TGFBR1: variants seen among roughly 807,000 people sequenced by gnomAD.
The protein encoded by TGFBR1 is transforming growth factor beta receptor 1.
TGFBR1 carries 20 observed loss-of-function variants against 55.1 expected under a neutral mutation model. The ratio of observed to expected loss-of-function variants is 0.36; its 90% confidence interval spans 0.26 to 0.53. The LOEUF is 0.53. Among genes scored for constraint, TGFBR1 ranks in the 20% least tolerant of loss-of-function variants. The pLI is 0.91. For synonymous variants in TGFBR1, 220 were observed against 214.8 expected (o/e 1.02, Z -0.21); for missense variants, 385 against 617.6 (o/e 0.62, Z 3.99).
At chr9:99,128,810 C>G in intron 1 of TGFBR1, 45 bp from the exon 2 acceptor site, 1 of 1,609,242 alleles carries the variant, frequency 6.2e-7, no homozygotes, top group East Asian at 2.2e-5. Context: ...TAATTTCAAA[C>G]TGTTAACCTT....
intron 3 of TGFBR1, among the ~76,000 whole-genome samples, chr9:99,137,511 C>T (rs1410255834): frequency 6.6e-6 from 1 of 152,110 alleles, no homozygotes; most frequent in Non-Finnish European, 1.5e-5. Flanking sequence ...TCTCTGATTG[C>T]CCAAGCTGCT....
In TGFBR1 at chr9:99,151,996, T is replaced by TG; in HGVS notation, c.*2696dup. Reference sequence around the variant, plus strand: ...TGTCAGTAGCCAGGAGAAATGGGGATGGGGGAAATACGACTTAGTGAGGCA... The same window carrying TG: ...TGTCAGTAGCCAGGAGAAATGGGGATGGGGGGAAATACGACTTAGTGAGGCA... On this transcript the variant is annotated 3_prime_UTR_variant, in exon 9 of 9. Transcript: ENST00000374994. The TG allele has an allele frequency of 1.0e-5, 2 of 197,150 alleles. No homozygotes were observed. The highest frequency in any genetic ancestry group is 2.1e-5 in the Non-Finnish European group (2 of 95,054). The allele number at this position is 197,150 out of a possible 1,614,324, so 12.2% of individuals were successfully genotyped here. A position where few individuals can be genotyped will look rare whatever the true frequency, so the allele number is the denominator to read the frequency against.
intron 1 of TGFBR1, among the ~76,000 whole-genome samples, chr9:99,120,157 A>G (rs73653739): frequency 2.5e-4 from 38 of 152,330 alleles, no homozygotes; most frequent in African/African-American, 8.7e-4. Flanking sequence ...TTAGGTTCAA[A>G]TAAGTTAAGT....
At chr9:99,145,128 C>T (rs2118810616) in intron 6 of TGFBR1, among the ~76,000 whole-genome samples, 1 of 152,288 alleles carries the variant, frequency 6.6e-6, no homozygotes, top group South Asian at 2.1e-4. Flanking sequence ...ATTATAATAA[C>T]AGTAGTAACT....
At chr9:99,120,794 C>T (rs1442676527) in intron 1 of TGFBR1, among the ~76,000 whole-genome samples, 1 of 152,158 alleles carries the variant, frequency 6.6e-6, no homozygotes, top group East Asian at 1.9e-4. Context: ...AAGGCTCTGA[C>T]TCTTCTAAAA....
chr9:99,128,671 TG>T, intron 1 of TGFBR1, 183 bp from the exon 2 acceptor site: 1 of 804,942 alleles, frequency 1.2e-6, no homozygotes, highest in Non-Finnish European at 2.1e-6. Flanking sequence ...CACGTGTATG[TG>T]GTTCTTAATA....
chr9:99,127,395 G>C lies in TGFBR1; in HGVS notation c.98-1460G>C, dbSNP rs937358697. Among the ~76,000 whole-genome samples, 4 of 152,312 alleles carry C rather than the reference G, an allele frequency of 2.6e-5. No homozygotes were observed. The East Asian group carries it at 7.7e-4, about 29-fold the overall frequency. On this transcript the variant is annotated intron_variant, in intron 1 of 8. Coordinates refer to ENST00000374994, the MANE Select transcript of TGFBR1 (RefSeq NM_004612.4). The stretch of plus-strand genomic sequence containing the variant: ...ACTTCTCCTACCCGGCCCCCCAGCA[G>C]TAATAGGTGTTCACTGTAAATCACA...
rs1308202117 is a variant in TGFBR1, at chr9:99,153,639, AT to A, written c.*4339del. The A allele has an allele frequency of 1.0e-5, 2 of 196,434 alleles. No homozygotes were observed. Among genetic ancestry groups the A allele is most frequent in the East Asian group, 8.0e-5 (1 of 12,568 alleles). The allele number at this position is 196,434 out of a possible 1,614,324, so 12.2% of individuals were successfully genotyped here. ...AATGGAAGCAGTGCAAATAAATTACATTTTTCCCAAGTGCCAGTGGCATATT... is the reference window on the plus strand; with the variant it reads ...AATGGAAGCAGTGCAAATAAATTACATTTTCCCAAGTGCCAGTGGCATATT... On this transcript the variant is annotated 3_prime_UTR_variant, in exon 9 of 9. Transcript: ENST00000374994.
intron 3 of TGFBR1, among the ~76,000 whole-genome samples, chr9:99,135,862 T>A (rs1827423163): frequency 6.6e-6 from 1 of 150,934 alleles, no homozygotes; most frequent in Non-Finnish European, 1.5e-5. Context: ...CTTTTTTTTT[T>A]TTTTTTTTTG....
At chr9:99,115,599 A>G (rs1826711137) in intron 1 of TGFBR1, among the ~76,000 whole-genome samples, 1 of 152,166 alleles carries the variant, frequency 6.6e-6, no homozygotes, top group Admixed American at 6.5e-5. Context: ...AGCACACGAT[A>G]TATGTATGGG....
chr9:99,139,617 T>C (rs944587861), intron 4 of TGFBR1, among the ~76,000 whole-genome samples: 1 of 152,232 alleles, frequency 6.6e-6, no homozygotes. Context: ...TAAAATGTAA[T>C]TTGTATCTTC....
intron 1 of TGFBR1, among the ~76,000 whole-genome samples, chr9:99,106,441 T>A (rs929475965): frequency 9.8e-5 from 15 of 152,300 alleles, no homozygotes; most frequent in Admixed American, 4.6e-4. Flanking sequence ...GAAATTTTTT[T>A]AAAAAATCAA....
rs897878653 is a variant in TGFBR1, at chr9:99,141,505, G to T, written c.806-1031G>T. Among the ~76,000 whole-genome samples the T allele has an allele frequency of 2.0e-5, 3 of 152,180 alleles. No individual in the cohort carries two copies. In the East Asian group the frequency reaches 5.8e-4, roughly 29 times the overall value. ...ACAGTTTATGTACTTCTTACCTAAA[G>T]AATCTAGCATTCCGTTTTTTAAATC... On this transcript the variant is annotated intron_variant, in intron 4 of 8. Transcript: ENST00000374994.
intron 1 of TGFBR1, among the ~76,000 whole-genome samples, chr9:99,123,457 G>A (rs1319388843): frequency 6.6e-6 from 1 of 152,062 alleles, no homozygotes; most frequent in African/African-American, 2.4e-5. Context: ...AACTGTAGGA[G>A]TCTAAACCAA....
chr9:99,121,882 G>GTGTTT (rs1343293720), intron 1 of TGFBR1, among the ~76,000 whole-genome samples: 1 of 152,106 alleles, frequency 6.6e-6, no homozygotes, highest in African/African-American at 2.4e-5. Flanking sequence ...GCCAAGCAGA[G>GTGTTT]TGTTTCCTGG....
chr9:99,132,006 A>G (rs1327833571), intron 2 of TGFBR1, among the ~76,000 whole-genome samples: 1 of 151,640 alleles, frequency 6.6e-6, no homozygotes, highest in Non-Finnish European at 1.5e-5. Flanking sequence ...ATATACTGAA[A>G]TGTGAGTTGT....
At chr9:99,126,023 T>C (rs967031418) in intron 1 of TGFBR1, among the ~76,000 whole-genome samples, 8 of 152,134 alleles carry the variant, frequency 5.3e-5, no homozygotes, top group African/African-American at 1.7e-4. Context: ...ATGGAACATA[T>C]TGAAAGGAGA....
chr9:99,126,658 T>C (rs192880491), intron 1 of TGFBR1, among the ~76,000 whole-genome samples: 2 of 152,320 alleles, frequency 1.3e-5, no homozygotes, highest in African/African-American at 2.4e-5. Context: ...ATTTGGCTTA[T>C]AGTTTTATGG....
In TGFBR1 at chr9:99,149,365, G is replaced by A. The variant is rs916012953; in HGVS notation, c.*60G>A. On this transcript the variant is annotated 3_prime_UTR_variant, in exon 9 of 9. Transcript: ENST00000374994. ...CAGATCTGCTCCTGGGTTTTAATTT[G>A]GGAGGTCAATTGTTCTACCTCACTG... The A allele has an allele frequency of 3.1e-6, 5 of 1,607,348 alleles. No homozygotes were observed. The African/African-American group carries it at 6.7e-5, about 22-fold the overall frequency.
Sources: allele counts gnomAD v4.1 joint callset (sites outside exome capture counted in the v4.1 genomes callset), GRCh38; gene constraint gnomAD v4.1.1; transcripts MANE v1.5; gene names NCBI Gene and HGNC (gene_info 2026-07-23, HGNC 2026-07-21).